The following LIMK1 variants were observed in gnomAD, a reference collection of about 807,000 sequenced individuals.
LIMK1 encodes the protein LIM domain kinase 1.
Under a neutral mutation model 77.6 loss-of-function variants are expected in LIMK1, and 21 were observed. That is an observed-to-expected ratio of 0.27 (90% CI 0.19 to 0.39). LIMK1 has a LOEUF of 0.39. Ranked by LOEUF, LIMK1 falls within the 10% of genes least tolerant of loss-of-function variation. The pLI, the probability that LIMK1 is intolerant of heterozygous loss-of-function variation, is 1.00. For missense variants in LIMK1, 696 were observed against 901.6 expected, an observed-to-expected ratio of 0.77 and a Z score of 2.92; for synonymous variants, 358 against 370.0, an observed-to-expected ratio of 0.97 and a Z score of 0.37.
chr7:74,109,063 C>A, intron 10 of LIMK1, 27 bp downstream of exon 10: 1 of 1,579,478 alleles, frequency 6.3e-7, no homozygotes, highest in South Asian at 1.1e-5. Flanking sequence ...GCCAGCCACC[C>A]CCGCTGTGCG....
At chr7:74,114,914 CAAAAA>C (rs569366868) in intron 12 of LIMK1, among the ~76,000 whole-genome samples, 1 of 69,890 alleles carries the variant, frequency 1.4e-5, no homozygotes, top group African/African-American at 5.5e-5. Context: ...GACTCCAACT[CAAAAA>C]AAAAAAAAAA....
chr7:74,093,425 T>C lies in LIMK1; in HGVS notation c.153-3197T>C. On this transcript the variant is annotated intron_variant, in intron 2 of 15. Transcript: ENST00000336180. ...GGCAGAACTGAAACTCCTTGGTTACTGTCGGCTGCAGCCTGGGAGCAGGCC... is the reference window on the plus strand; with the variant it reads ...GGCAGAACTGAAACTCCTTGGTTACCGTCGGCTGCAGCCTGGGAGCAGGCC... 12 of 1,189,054 alleles carry C rather than the reference T, an allele frequency of 1.0e-5. No homozygotes were observed. In the South Asian group the frequency reaches 1.1e-4, roughly 11 times the overall value. 73.7% of individuals were successfully genotyped at this position (1,189,054 alleles called of 1,614,324 possible).
At chr7:74,086,393 T>A (rs1799138622) in intron 2 of LIMK1, among the ~76,000 whole-genome samples, 2 of 152,120 alleles carry the variant, frequency 1.3e-5, no homozygotes, top group Admixed American at 1.3e-4. Flanking sequence ...ATGGTCTTGC[T>A]CTGTTGCCCA....
At chr7:74,096,952 C>T in intron 3 of LIMK1, 128 bp from the exon 4 acceptor site, 1 of 1,019,862 alleles carries the variant, frequency 9.8e-7, no homozygotes, top group Non-Finnish European at 1.4e-6. Flanking sequence ...TCCAGGAGCT[C>T]AGCAGCTGGC....
intron 5 of LIMK1, among the ~76,000 whole-genome samples, chr7:74,101,190 G>C (rs1799452745): frequency 1.3e-5 from 2 of 152,336 alleles, no homozygotes; most frequent in South Asian, 4.1e-4. Context: ...CTTGACATCA[G>C]CCAAGCCAGC....
chr7:74,118,376 A>AG (rs1799861252), intron 13 of LIMK1, among the ~76,000 whole-genome samples: 7 of 95,134 alleles, frequency 7.4e-5, no homozygotes, highest in African/African-American at 3.0e-4. Flanking sequence ...ACTCTGTGTC[A>AG]AACACACACA....
In LIMK1 at chr7:74,105,978, G is replaced by C. The variant is rs782551009; in HGVS notation, c.712G>C (p.Glu238Gln). Residue 238 changes from glutamate (E) to glutamine (Q), a missense_variant and splice_region_variant, in exon 6 of 16, where the codon GAG becomes CAG. Coordinates refer to ENST00000336180, the MANE Select transcript of LIMK1 (RefSeq NM_002314.4). Reference sequence around the variant, plus strand: ...GCCCATCCGAAATGTGCCCCTGGACGAGGTACGGTCCTGAGTCTGTGGGGC... The same window carrying C: ...GCCCATCCGAAATGTGCCCCTGGACCAGGTACGGTCCTGAGTCTGTGGGGC... ...GTPIRNVPLD[E>Q]IDLLIQETSR... 7 of 1,613,890 alleles carry C rather than the reference G, an allele frequency of 4.3e-6. No individual in the cohort carries two copies. The highest frequency in any genetic ancestry group is 5.1e-6 in the Non-Finnish European group (6 of 1,179,918).
At chr7:74,119,176 C>A (rs896582999) in intron 13 of LIMK1, among the ~76,000 whole-genome samples, 16 of 150,482 alleles carry the variant, frequency 1.1e-4, no homozygotes, top group Non-Finnish European at 2.1e-4. Flanking sequence ...AGCCACCGTG[C>A]CCGGCCAGTT....
At chr7:74,089,418 C>T (rs1554694466) in intron 2 of LIMK1, among the ~76,000 whole-genome samples, 1 of 152,130 alleles carries the variant, frequency 6.6e-6, no homozygotes, top group Non-Finnish European at 1.5e-5. Flanking sequence ...GGGAGGGTTG[C>T]TTGAGCCTGG....
rs782209879 is a variant in LIMK1, at chr7:74,096,717, C to T, written c.248C>T (p.Ser83Phe). The T allele has an allele frequency of 6.2e-7, 1 of 1,613,456 alleles. No individual in the cohort carries two copies. The highest frequency in any genetic ancestry group is 2.2e-5 in the East Asian group (1 of 44,854). ...KKDYWARYGE[S>F]CHGCSEQITK... ...GACTACTGGGCCCGCTATGGCGAGT[C>T]CTGCCATGGGTGCTCTGAGCAAATC... The change falls in exon 3 of 16, where the codon TCC becomes TTC. Residue 83 changes from serine to phenylalanine, a missense_variant. This residue lies in a region of LIMK1 where 252 missense variants were observed against 279.4 expected (regional missense o/e 0.90). Coordinates refer to ENST00000336180, the MANE Select transcript of LIMK1 (RefSeq NM_002314.4).
chr7:74,116,636 A>G (rs552620302), intron 13 of LIMK1, among the ~76,000 whole-genome samples: 1 of 151,476 alleles, frequency 6.6e-6, no homozygotes, highest in East Asian at 2.0e-4. Flanking sequence ...GCTGGCTGCA[A>G]AGCATCTTCT....
intron 1 of LIMK1, among the ~76,000 whole-genome samples, chr7:74,085,467 A>G (rs1454070922): frequency 6.6e-6 from 1 of 152,218 alleles, no homozygotes; most frequent in Non-Finnish European, 1.5e-5. Flanking sequence ...TGCCAGATCC[A>G]ATGCTATAGC....
intron 13 of LIMK1, among the ~76,000 whole-genome samples, chr7:74,118,098 GAAA>G (rs1189851879): frequency 7.6e-5 from 10 of 131,514 alleles, no homozygotes; most frequent in Admixed American, 7.8e-5. Flanking sequence ...GTCTCAAAAA[GAAA>G]AAAAAAAAAA....
At chr7:74,104,974 C>T (rs1353968790) in intron 5 of LIMK1, among the ~76,000 whole-genome samples, 1 of 152,092 alleles carries the variant, frequency 6.6e-6, no homozygotes, top group Admixed American at 6.6e-5. Context: ...TTTGTTTTTG[C>T]GACGGAGTCT....
intron 5 of LIMK1, among the ~76,000 whole-genome samples, chr7:74,102,159 A>C (rs1799472809): frequency 6.6e-6 from 1 of 152,114 alleles, no homozygotes; most frequent in East Asian, 1.9e-4. Context: ...AGCCTGTATC[A>C]ATGAAAATAT....
At chr7:74,115,651 G>C in intron 12 of LIMK1, 151 bp from the exon 13 acceptor site, 1 of 748,112 alleles carries the variant, frequency 1.3e-6, no homozygotes, top group Non-Finnish European at 2.1e-6. Flanking sequence ...TGGGTTTGGG[G>C]AAGGAAGGGG....
In LIMK1 at chr7:74,107,895, G is replaced by A; in HGVS notation, c.1090G>A (p.Val364Met). The change falls in exon 9 of 16, where the codon GTG becomes ATG. Residue 364 changes from valine (V) to methionine (M), a missense_variant. Transcript: ENST00000336180. Reference protein sequence around the residue: ...IKVTHRETGEVMVMKELIRFD... With the variant: ...IKVTHRETGEMMVMKELIRFD... Reference sequence around the variant, plus strand: ...GGTGACACACCGTGAGACAGGTGAGGTGATGGTGATGAAGGAGCTGATCCG... The same window carrying A: ...GGTGACACACCGTGAGACAGGTGAGATGATGGTGATGAAGGAGCTGATCCG... The A allele has an allele frequency of 6.3e-7, 1 of 1,577,016 alleles. No homozygotes were observed. The highest frequency in any genetic ancestry group is 8.6e-7 in the Non-Finnish European group (1 of 1,161,014).
At chr7:74,104,988 T>G (rs1799539040) in intron 5 of LIMK1, among the ~76,000 whole-genome samples, 1 of 152,172 alleles carries the variant, frequency 6.6e-6, no homozygotes. Flanking sequence ...GGAGTCTCGC[T>G]CTGTCCACCC....
Position 74,107,974 on chromosome 7 carries a change from C to T in LIMK1, c.1152+17C>T, listed in dbSNP as rs1554697940. On this transcript the variant is annotated intron_variant, in intron 9 of 15. Coordinates refer to ENST00000336180, the MANE Select transcript of LIMK1 (RefSeq NM_002314.4). Reference sequence around the variant, plus strand: ...CTCAAGGAGGTCAGTGAGCGGAATGCCCTCTTCCCTCCAGAGGGACTTCCA... The same window carrying T: ...CTCAAGGAGGTCAGTGAGCGGAATGTCCTCTTCCCTCCAGAGGGACTTCCA... The T allele has an allele frequency of 3.9e-6, 6 of 1,540,124 alleles. No homozygotes were observed. The highest frequency in any genetic ancestry group is 5.3e-6 in the Non-Finnish European group (6 of 1,135,546).
Sources: allele counts gnomAD v4.1 joint callset (sites outside exome capture counted in the v4.1 genomes callset), GRCh38; gene constraint gnomAD v4.1.1; regional missense constraint gnomAD v4.1.1; transcripts MANE v1.5; gene names NCBI Gene and HGNC (gene_info 2026-07-23, HGNC 2026-07-21).